Variants in KHDRBS2 observed in about 807,000 individuals in gnomAD.
KHDRBS2 encodes the protein KH RNA binding domain containing, signal transduction associated 2.
In KHDRBS2, 26 loss-of-function variants were observed where a neutral mutation model predicts 44.3. That is an observed-to-expected ratio of 0.59 (90% CI 0.43 to 0.81). The LOEUF (loss-of-function observed/expected upper bound fraction) is 0.81. KHDRBS2 is among the 40% of genes least tolerant of loss of function. The pLI is 0.00. For synonymous variants in KHDRBS2, 194 were observed against 151.1 expected, an observed-to-expected ratio of 1.28 and a Z score of -2.08; for missense variants, 476 against 433.1, an observed-to-expected ratio of 1.10 and a Z score of -0.88.
intron 1 of KHDRBS2, among the ~76,000 whole-genome samples, chr6:62,233,513 G>C (rs1336809955): frequency 6.6e-6 from 1 of 152,072 alleles, no homozygotes; most frequent in Non-Finnish European, 1.5e-5. Context: ...TTTGAGTTCA[G>C]GATACATGTG....
intron 6 of KHDRBS2, among the ~76,000 whole-genome samples, chr6:61,767,537 T>C (rs1248463154): frequency 6.6e-6 from 1 of 151,962 alleles, no homozygotes; most frequent in Non-Finnish European, 1.5e-5. Context: ...CTCCCTCCCT[T>C]TCACCCACCT....
At chr6:61,762,999 C>T (rs190934237) in intron 6 of KHDRBS2, among the ~76,000 whole-genome samples, 1 of 152,262 alleles carries the variant, frequency 6.6e-6, no homozygotes, top group East Asian at 1.9e-4. Context: ...CTTTCACTTC[C>T]TCACTCCCTG....
intron 3 of KHDRBS2, among the ~76,000 whole-genome samples, chr6:62,034,486 C>T (rs917900308): frequency 1.3e-5 from 2 of 151,650 alleles, no homozygotes; most frequent in African/African-American, 4.8e-5. Context: ...AAGGATGGTT[C>T]AACACATGCA....
chr6:61,713,025 T>C (rs1770789666), intron 7 of KHDRBS2, among the ~76,000 whole-genome samples: 1 of 151,622 alleles, frequency 6.6e-6, no homozygotes, highest in Admixed American at 6.6e-5. Flanking sequence ...TATAATGATT[T>C]ATATCTTGCT....
intron 1 of KHDRBS2, among the ~76,000 whole-genome samples, chr6:62,264,381 A>G (rs1358370429): frequency 6.6e-6 from 1 of 151,852 alleles, no homozygotes; most frequent in African/African-American, 2.4e-5. Context: ...ACCAAAATGA[A>G]TATATCCATA....
intron 3 of KHDRBS2, among the ~76,000 whole-genome samples, chr6:61,983,634 T>C (rs1774433044): frequency 6.6e-6 from 1 of 152,120 alleles, no homozygotes; most frequent in Non-Finnish European, 1.5e-5. Context: ...AAGTCCAATC[T>C]GAGATTCCCT....
rs771034078 is a variant in KHDRBS2, at chr6:61,812,205, C to CGA, written c.811-79443_811-79442dup. 5.9e-5 allele frequency among the ~76,000 whole-genome samples: 9 copies of CGA among 151,992 alleles called. No individual in the cohort carries two copies. In the East Asian group the frequency reaches 1.7e-3, roughly 29 times the overall value. On this transcript the variant is annotated intron_variant, in intron 6 of 8. Transcript: ENST00000281156. ...CCTTCTCTTATCTACTTCCAACCAT[C>CGA]GAGACAAGACAGCCTTTCAGCACTC...
chr6:62,155,858 C>T (rs961108462), intron 2 of KHDRBS2, among the ~76,000 whole-genome samples: 6 of 152,166 alleles, frequency 3.9e-5, no homozygotes, highest in African/African-American at 1.4e-4. Context: ...AGTGTTTCTG[C>T]ATAATCTTTC....
chr6:61,607,230 C>A, the KHDRBS2 span, among the ~76,000 whole-genome samples: 1 of 151,526 alleles, frequency 6.6e-6, no homozygotes, highest in Non-Finnish European at 1.5e-5. Flanking sequence ...CAACTAAAGA[C>A]CATATCTGTG....
At chr6:62,077,908 C>A (rs1463155557) in intron 2 of KHDRBS2, among the ~76,000 whole-genome samples, 1 of 152,020 alleles carries the variant, frequency 6.6e-6, no homozygotes, top group East Asian at 1.9e-4. Flanking sequence ...GTGGCCATAG[C>A]ATCTCCTCTG....
the KHDRBS2 span, among the ~76,000 whole-genome samples, chr6:61,627,103 A>G: frequency 1.3e-5 from 2 of 151,388 alleles, no homozygotes; most frequent in East Asian, 3.9e-4. Flanking sequence ...AATACAAAAA[A>G]TTAGCCGGGC....
chr6:62,017,156 T>A (rs1372456231), intron 3 of KHDRBS2, among the ~76,000 whole-genome samples: 2 of 151,960 alleles, frequency 1.3e-5, no homozygotes, highest in Non-Finnish European at 2.9e-5. Context: ...TTCTTCCTAA[T>A]CTTCAGATTG....
the KHDRBS2 span, among the ~76,000 whole-genome samples, chr6:61,564,151 C>G: frequency 1.3e-5 from 2 of 152,094 alleles, no homozygotes; most frequent in Non-Finnish European, 2.9e-5. Context: ...TCTTAAAAAG[C>G]ACTAATCAGC....
rs1255148408 is a variant in KHDRBS2, at chr6:61,788,915, T to C, written c.811-56151A>G. Among the ~76,000 whole-genome samples, 3 of 151,232 alleles carry C rather than the reference T, an allele frequency of 2.0e-5. No homozygotes were observed. The Admixed American group carries it at 2.0e-4, about 10-fold the overall frequency. On this transcript the variant is annotated intron_variant, in intron 6 of 8. Transcript: ENST00000281156. ...TAACCCAAGATACATATAAAAATAGTGAAGATAAATTAGAGATACAATAGG... is the reference window on the plus strand; with the variant it reads ...TAACCCAAGATACATATAAAAATAGCGAAGATAAATTAGAGATACAATAGG...
chr6:62,265,086 T>C (rs1392732870), intron 1 of KHDRBS2, among the ~76,000 whole-genome samples: 1 of 152,058 alleles, frequency 6.6e-6, no homozygotes, highest in East Asian at 1.9e-4. Context: ...TAAGTGAGCT[T>C]GGGCTCACAA....
chr6:61,907,792 TCTAA>T (rs1805296176), intron 4 of KHDRBS2, among the ~76,000 whole-genome samples: 1 of 152,190 alleles, frequency 6.6e-6, no homozygotes, highest in African/African-American at 2.4e-5. Flanking sequence ...AAGCATTAAG[TCTAA>T]CTTTGAATTA....
chr6:61,608,162 TGAAGA>T, the KHDRBS2 span, among the ~76,000 whole-genome samples: 1 of 152,096 alleles, frequency 6.6e-6, no homozygotes, highest in Non-Finnish European at 1.5e-5. Context: ...TGAAGGACAA[TGAAGA>T]GAATACTGAA....
At chr6:61,575,386 G>T in the KHDRBS2 span, among the ~76,000 whole-genome samples, 3 of 152,104 alleles carry the variant, frequency 2.0e-5, no homozygotes, top group African/African-American at 7.2e-5. Flanking sequence ...CTAATTATCA[G>T]GGAAATGCAA....
intron 3 of KHDRBS2, among the ~76,000 whole-genome samples, chr6:62,021,032 T>A (rs565166939): frequency 6.6e-6 from 1 of 152,138 alleles, no homozygotes; most frequent in East Asian, 1.9e-4. Flanking sequence ...ATATAAACCA[T>A]GAAATATTAT....
Sources: gnomAD v4.1 joint callset for allele counts (sites outside exome capture counted in the v4.1 genomes callset) on GRCh38, gnomAD v4.1.1 for gene constraint, MANE v1.5 for transcripts, NCBI Gene and HGNC (gene_info 2026-07-23, HGNC 2026-07-21) for gene names.